ALKBH3: variants seen among roughly 807,000 people sequenced by gnomAD.
ALKBH3 encodes alpha-ketoglutarate-dependent dioxygenase alkB homolog 3.
ALKBH3 carries 51 observed loss-of-function variants against 43.9 expected under a neutral mutation model. The observed-to-expected ratio is 1.16, with a 90% CI of 0.93 to 1.47. The LOEUF is 1.47. Among genes scored for constraint, ALKBH3 ranks in the 40% most tolerant of loss-of-function variants. The pLI is 0.00. For synonymous variants in ALKBH3, 102 were observed against 115.2 expected (o/e 0.89, Z 0.73); for missense variants, 361 against 351.9 (o/e 1.03, Z -0.21).
At chr11:43,919,767 C>T (rs1405099180) in intron 9 of ALKBH3, 151 bp from the exon 10 acceptor site, 8 of 695,776 alleles carry the variant, frequency 1.1e-5, no homozygotes, top group South Asian at 1.9e-5. Flanking sequence ...AAGAAGGGAC[C>T]TTTCTCCACA....
chr11:43,895,412 A>G (rs1177064908), intron 7 of ALKBH3, among the ~76,000 whole-genome samples: 2 of 152,176 alleles, frequency 1.3e-5, no homozygotes, highest in African/African-American at 4.8e-5. Flanking sequence ...GCCTGCTGCC[A>G]TGTAAGATGT....
At chr11:43,884,460 G>T (rs964388808) in intron 4 of ALKBH3, among the ~76,000 whole-genome samples, 2 of 147,664 alleles carry the variant, frequency 1.4e-5, no homozygotes, top group Non-Finnish European at 3.0e-5. Context: ...TTAAAACCAT[G>T]TAATTATTCC....
intron 8 of ALKBH3, among the ~76,000 whole-genome samples, chr11:43,902,628 C>T (rs1401220106): frequency 6.6e-6 from 1 of 152,236 alleles, no homozygotes; most frequent in Admixed American, 6.5e-5. Flanking sequence ...GGGAGTCTCA[C>T]TCTGTCGCCC....
At chr11:43,905,811 T>G (rs1186458790) in intron 8 of ALKBH3, among the ~76,000 whole-genome samples, 1 of 152,228 alleles carries the variant, frequency 6.6e-6, no homozygotes, top group Non-Finnish European at 1.5e-5. Context: ...TGTTCCTGTT[T>G]GCAAAGATTA....
At chr11:43,918,928 C>T in intron 8 of ALKBH3, 110 bp from the exon 9 acceptor site, 1 of 803,958 alleles carries the variant, frequency 1.2e-6, no homozygotes, top group Non-Finnish European at 2.1e-6. Context: ...TATATGGATT[C>T]CCACAGTCTG....
intron 7 of ALKBH3, chr11:43,898,363 T>G (rs1393811751): frequency 7.1e-6 from 5 of 702,378 alleles, no homozygotes; most frequent in Non-Finnish European, 1.0e-5. Flanking sequence ...CCAGGTAGAC[T>G]ACATTCTTGC....
At chr11:43,897,400 C>T in intron 7 of ALKBH3, 3 of 726,210 alleles carry the variant, frequency 4.1e-6, no homozygotes, top group Middle Eastern at 2.4e-4. Flanking sequence ...AAATACCATA[C>T]TTAATGATTA....
At chr11:43,911,994 G>T (rs148344682) in intron 8 of ALKBH3, among the ~76,000 whole-genome samples, 2 of 152,000 alleles carry the variant, frequency 1.3e-5, no homozygotes. Flanking sequence ...GTGGTGGTGC[G>T]CGCCTGTAAT....
Position 43,896,268 on chromosome 11 carries a change from TACACAC to T in ALKBH3, c.459+4166_459+4171del, listed in dbSNP as rs71035662. Reference sequence around the variant, plus strand: ...AGAGGGACAGAACTAATAGGATAGATACACACACACACACACACACACACACACACA... The same window carrying T: ...AGAGGGACAGAACTAATAGGATAGATACACACACACACACACACACACACA... On this transcript the variant is annotated intron_variant, in intron 7 of 9. Transcript: ENST00000302708. 5.5e-3 allele frequency among the ~76,000 whole-genome samples: 811 copies of T among 147,314 alleles called. 4 individuals carry two copies. Among genetic ancestry groups the T allele is most frequent in the Non-Finnish European group, 4.7e-3 (310 of 66,624 alleles).
chr11:43,901,663 A>G lies in ALKBH3; in HGVS notation c.607A>G (p.Ile203Val). ...TGAACCCTCACTAGGGAGGTGCCCC[A>G]TTATTGCTTCACTAAGTTTTGGTGC... ...DDEPSLGRCP[I>V]IASLSFGATR... The change falls in exon 8 of 10, where the codon ATT becomes GTT. Residue 203 changes from isoleucine to valine, a missense_variant. Ile to Val is a conservative substitution (Grantham distance 29). Transcript: ENST00000302708. 1 of 1,614,246 alleles carries G rather than the reference A, an allele frequency of 6.2e-7. No homozygotes were observed. The highest frequency in any genetic ancestry group is 8.5e-7 in the Non-Finnish European group (1 of 1,180,048).
At chr11:43,886,528 C>G (rs922180717) in intron 4 of ALKBH3, 78 bp from the exon 5 acceptor site, 1 of 1,460,346 alleles carries the variant, frequency 6.8e-7, no homozygotes, top group African/African-American at 1.4e-5. Context: ...TTTGGCAGTT[C>G]AGAAGGATAA....
At chr11:43,898,462 A>G in intron 7 of ALKBH3, 1 of 906,154 alleles carries the variant, frequency 1.1e-6, no homozygotes, top group Non-Finnish European at 1.8e-6. Context: ...CTGTATGCTC[A>G]GGCTGGGGCA....
chr11:43,919,606 C>T, intron 9 of ALKBH3: 1 of 321,656 alleles, frequency 3.1e-6, no homozygotes, highest in Non-Finnish European at 5.8e-6. Flanking sequence ...GAATCTCATG[C>T]CTCTCTTTGG....
rs1033663979 is a variant in ALKBH3, at chr11:43,912,889, G to A, written c.670-6149G>A. On this transcript the variant is annotated intron_variant, in intron 8 of 9. Coordinates refer to ENST00000302708, the MANE Select transcript of ALKBH3 (RefSeq NM_139178.4). ...TTGTCCACTGAGAGACAGGATGGATGGCCTCTCCCAGCTCTACACAAAGCA... is the reference window on the plus strand; with the variant it reads ...TTGTCCACTGAGAGACAGGATGGATAGCCTCTCCCAGCTCTACACAAAGCA... Among the ~76,000 whole-genome samples, 23 of 152,048 alleles carry A rather than the reference G, an allele frequency of 1.5e-4. 1 individual carries two copies. The highest frequency in any genetic ancestry group is 5.6e-4 in the African/African-American group (23 of 41,376).
At chr11:43,915,437 C>T (rs539052010) in intron 8 of ALKBH3, among the ~76,000 whole-genome samples, 1 of 152,202 alleles carries the variant, frequency 6.6e-6, no homozygotes, top group East Asian at 1.9e-4. Context: ...ACACTTGGCT[C>T]CAGTAATTCC....
At chr11:43,899,872 GAA>G (rs10636253) in intron 7 of ALKBH3, among the ~76,000 whole-genome samples, 9 of 121,924 alleles carry the variant, frequency 7.4e-5, no homozygotes, top group African/African-American at 1.2e-4. Context: ...GTGGTCTCAG[GAA>G]AAAAAAAAAA....
chr11:43,911,498 C>T (rs1343586210), intron 8 of ALKBH3, among the ~76,000 whole-genome samples: 1 of 152,160 alleles, frequency 6.6e-6, no homozygotes, highest in African/African-American at 2.4e-5. Flanking sequence ...CTGTGTAAGT[C>T]TGGAGTTCAG....
chr11:43,889,879 G>T (rs1310879028), intron 6 of ALKBH3, 51 bp downstream of exon 6: 3 of 1,458,790 alleles, frequency 2.1e-6, no homozygotes, highest in Non-Finnish European at 2.9e-6. Flanking sequence ...TCCCTCTCTG[G>T]AATGTTTCCT....
rs1565132134 is a variant in ALKBH3 at position 43,919,915 on chromosome 11, T to C, written c.769-3T>C. ...TGTCAGAGTTATGTGTATTTCCATT[T>C]AGCATCGAGTGCCCAAAGAATACCA... On this transcript the variant is annotated splice_region_variant and splice_polypyrimidine_tract_variant and intron_variant, in intron 9 of 9. Coordinates refer to ENST00000302708, the MANE Select transcript of ALKBH3 (RefSeq NM_139178.4). 6.2e-7 allele frequency: 1 copy of C among 1,613,568 alleles called. No individual in the cohort carries two copies. Among genetic ancestry groups the C allele is most frequent in the East Asian group, 2.2e-5 (1 of 44,884 alleles).
Sources: gnomAD v4.1 joint callset for allele counts (sites outside exome capture counted in the v4.1 genomes callset) on GRCh38, gnomAD v4.1.1 for gene constraint, MANE v1.5 for transcripts, NCBI Gene and HGNC (gene_info 2026-07-23, HGNC 2026-07-21) for gene names.